Variants in WWOX observed in about 807,000 individuals in gnomAD.
The protein encoded by WWOX is WW domain-containing oxidoreductase.
WWOX carries 69 observed loss-of-function variants against 46.2 expected under a neutral mutation model. That is an observed-to-expected ratio of 1.49 (90% CI 1.23 to 1.82). The LOEUF (loss-of-function observed/expected upper bound fraction) is 1.82. Ranked by LOEUF, WWOX falls within the 40% of genes most tolerant of loss-of-function variation. WWOX has a pLI of 0.00. For synonymous variants in WWOX, 359 were observed against 202.6 expected, an observed-to-expected ratio of 1.77 and a Z score of -6.56; for missense variants, 919 against 542.6, an observed-to-expected ratio of 1.69 and a Z score of -6.89.
rs150276117 is a variant in WWOX, at chr16:78,908,641, A to G, written c.1057-302967A>G. Among the ~76,000 whole-genome samples, 1,039 of 152,052 alleles carry G rather than the reference A, an allele frequency of 6.8e-3. 10 individuals carry two copies. The highest frequency in any genetic ancestry group is 0.024 in the African/African-American group (990 of 41,490). ...TCTCCCCCAAAACTCAGGGATAGAG[A>G]TTTTTAAGGAGAATTTAGTGAGAAG... On this transcript the variant is annotated intron_variant, in intron 8 of 8. Coordinates refer to ENST00000566780, the MANE Select transcript of WWOX (RefSeq NM_016373.4).
chr16:78,948,508 C>CAGAACCCA lies in WWOX; in HGVS notation c.1057-263097_1057-263096insACCCAAGA, dbSNP rs1341547477. The stretch of plus-strand genomic sequence containing the variant: ...GAACCTCCCGTTTCCTGAAAGGCAC[C>CAGAACCCA]AGACCCCAAGACAGCTCTGCTGCCT... On this transcript the variant is annotated intron_variant, in intron 8 of 8. Transcript: ENST00000566780. Among the ~76,000 whole-genome samples the CAGAACCCA allele has an allele frequency of 3.3e-5, 5 of 152,252 alleles. No individual in the cohort carries two copies. The East Asian group carries it at 7.8e-4, about 24-fold the overall frequency.
intron 8 of WWOX, among the ~76,000 whole-genome samples, chr16:78,758,398 A>T (rs368482347): frequency 6.6e-6 from 1 of 152,212 alleles, no homozygotes; most frequent in Non-Finnish European, 1.5e-5. Flanking sequence ...AATAATAACT[A>T]TGTCACCAAA....
In WWOX at chr16:79,009,723, T is replaced by A. The variant is rs13336301; in HGVS notation, c.1057-201885T>A. Among the ~76,000 whole-genome samples, 450 of 152,258 alleles carry A rather than the reference T, an allele frequency of 3.0e-3. 2 individuals carry two copies. The highest frequency in any genetic ancestry group is 0.01 in the African/African-American group (434 of 41,536). On this transcript the variant is annotated intron_variant, in intron 8 of 8. Transcript: ENST00000566780. The stretch of plus-strand genomic sequence containing the variant: ...ACCTCAGCTTCCCAAAGTGCTGGGA[T>A]TACAGGTGTGAGCCACCGCTCCTGG...
At chr16:79,005,778 C>G (rs549829287) in intron 8 of WWOX, among the ~76,000 whole-genome samples, 4 of 152,214 alleles carry the variant, frequency 2.6e-5, no homozygotes, top group Admixed American at 6.5e-5. Flanking sequence ...AGGTCACATT[C>G]TGAGGCCCTG....
At chr16:78,693,103 C>A (rs2048027346) in intron 8 of WWOX, among the ~76,000 whole-genome samples, 1 of 152,204 alleles carries the variant, frequency 6.6e-6, no homozygotes. Flanking sequence ...TTGGAAGGTT[C>A]AGCAAGATGC....
chr16:78,546,109 G>T (rs1168292075), intron 8 of WWOX, among the ~76,000 whole-genome samples: 2 of 152,118 alleles, frequency 1.3e-5, no homozygotes, highest in Non-Finnish European at 2.9e-5. Context: ...AGTTTTTTAT[G>T]GAAGAAGAAA....
intron 5 of WWOX, among the ~76,000 whole-genome samples, chr16:78,209,470 T>C (rs1034096720): frequency 1.3e-5 from 2 of 152,242 alleles, no homozygotes; most frequent in African/African-American, 4.8e-5. Flanking sequence ...TGTTTCAATA[T>C]AAGAAATTGT....
chr16:78,941,462 C>A (rs891918074), intron 8 of WWOX, among the ~76,000 whole-genome samples: 2 of 144,648 alleles, frequency 1.4e-5, no homozygotes, highest in African/African-American at 5.1e-5. Context: ...GAACAAAGTC[C>A]TTTTTTTTTT....
chr16:78,933,322 C>G (rs980612336), intron 8 of WWOX, among the ~76,000 whole-genome samples: 1 of 152,168 alleles, frequency 6.6e-6, no homozygotes, highest in Non-Finnish European at 1.5e-5. Flanking sequence ...GCATGTAGTC[C>G]CAGCTACTCA....
chr16:78,913,927 C>T (rs1197500142), intron 8 of WWOX, among the ~76,000 whole-genome samples: 2 of 152,024 alleles, frequency 1.3e-5, no homozygotes, highest in African/African-American at 2.4e-5. Flanking sequence ...TCCCAAAGTG[C>T]TTGGATTATA....
At chr16:78,107,885 A>G (rs534295650) in intron 1 of WWOX, among the ~76,000 whole-genome samples, 1 of 152,254 alleles carries the variant, frequency 6.6e-6, no homozygotes, top group South Asian at 2.1e-4. Context: ...ACATCGTGGA[A>G]TAAAACCAAA....
intron 8 of WWOX, among the ~76,000 whole-genome samples, chr16:78,480,178 T>C (rs1461129899): frequency 1.3e-5 from 2 of 152,238 alleles, no homozygotes; most frequent in Admixed American, 1.3e-4. Context: ...TCAATTGCTC[T>C]GAAATAGCAG....
intron 8 of WWOX, among the ~76,000 whole-genome samples, chr16:78,944,414 A>C (rs1399999713): frequency 6.6e-6 from 1 of 152,166 alleles, no homozygotes; most frequent in Non-Finnish European, 1.5e-5. Flanking sequence ...AGTTGAATGG[A>C]GTCAAATTAT....
intron 8 of WWOX, among the ~76,000 whole-genome samples, chr16:78,710,940 T>G (rs9940337): frequency 1.3e-5 from 2 of 152,096 alleles, no homozygotes; most frequent in African/African-American, 4.8e-5. Flanking sequence ...GAATTTTTTC[T>G]CCTTTCTTTT....
intron 8 of WWOX, among the ~76,000 whole-genome samples, chr16:78,653,706 C>T (rs776502440): frequency 1.3e-5 from 2 of 152,172 alleles, no homozygotes; most frequent in Non-Finnish European, 2.9e-5. Flanking sequence ...CATTTTAGAG[C>T]CACTGATTCA....
chr16:78,562,424 C>T (rs2044461630), intron 8 of WWOX, among the ~76,000 whole-genome samples: 1 of 152,174 alleles, frequency 6.6e-6, no homozygotes, highest in African/African-American at 2.4e-5. Context: ...TATCTGTTCC[C>T]ACATCCCCTG....
intron 1 of WWOX, among the ~76,000 whole-genome samples, chr16:78,105,003 A>C (rs1368898586): frequency 6.6e-6 from 1 of 152,042 alleles, no homozygotes; most frequent in Non-Finnish European, 1.5e-5. Context: ...CGACCAAATT[A>C]CTCTCTCTGC....
chr16:79,198,076 G>C (rs1481336318), intron 8 of WWOX, among the ~76,000 whole-genome samples: 3 of 152,106 alleles, frequency 2.0e-5, no homozygotes, highest in Admixed American at 6.5e-5. Flanking sequence ...TATAATCCCA[G>C]CACTTGGGGA....
chr16:78,927,138 C>T (rs1457463082), intron 8 of WWOX, among the ~76,000 whole-genome samples: 3 of 152,222 alleles, frequency 2.0e-5, no homozygotes, highest in Non-Finnish European at 4.4e-5. Context: ...GTGATGGTTT[C>T]TCCAGCCTGA....
Sources: allele counts gnomAD v4.1 joint callset (sites outside exome capture counted in the v4.1 genomes callset), GRCh38; gene constraint gnomAD v4.1.1; transcripts MANE v1.5; gene names NCBI Gene and HGNC (gene_info 2026-07-23, HGNC 2026-07-21).